TSPAN15: variants seen among roughly 807,000 people sequenced by gnomAD.
TSPAN15 encodes tetraspanin 15, also known as tetraspanin-15.
A neutral mutation model predicts 34.5 loss-of-function variants in TSPAN15; 20 were observed. That is an observed-to-expected ratio of 0.58 (90% CI 0.41 to 0.84). The LOEUF (loss-of-function observed/expected upper bound fraction) is 0.84. TSPAN15 is among the 40% of genes least tolerant of loss of function. The pLI is 0.00. For synonymous variants in TSPAN15, 155 were observed against 153.9 expected (o/e 1.01, Z -0.05); for missense variants, 313 against 386.1 (o/e 0.81, Z 1.59).
At chr10:69,467,673 C>CAA (rs1554831754) in intron 1 of TSPAN15, among the ~76,000 whole-genome samples, 2,304 of 76,370 alleles carry the variant, frequency 0.03, 76 homozygotes, top group African/African-American at 0.049. Context: ...CACACACACA[C>CAA]ACCTCTTCTT....
chr10:69,496,746 G>A (rs1842093809), intron 4 of TSPAN15, among the ~76,000 whole-genome samples: 1 of 152,206 alleles, frequency 6.6e-6, no homozygotes, highest in Non-Finnish European at 1.5e-5. Flanking sequence ...ACTTGCTGTG[G>A]CCGCTCCCTT....
At chr10:69,471,711 C>T (rs1438300280) in intron 1 of TSPAN15, among the ~76,000 whole-genome samples, 3 of 151,924 alleles carry the variant, frequency 2.0e-5, no homozygotes, top group Non-Finnish European at 4.4e-5. Context: ...CCCACCTCAG[C>T]CTCCCAAGTA....
chr10:69,542,725 C>T, the TSPAN15 span, among the ~76,000 whole-genome samples: 9 of 152,202 alleles, frequency 5.9e-5, no homozygotes, highest in South Asian at 2.1e-4. Context: ...CTCACTATCA[C>T]GAGAACAGCA....
Position 69,506,919 on chromosome 10 carries a change from G to T in TSPAN15, c.826G>T (p.Gly276Cys). 1 of 1,609,218 alleles carries T rather than the reference G, an allele frequency of 6.2e-7. No homozygotes were observed. Among genetic ancestry groups the T allele is most frequent in the Non-Finnish European group, 8.5e-7 (1 of 1,178,324 alleles). ...TGTCACTGATGGGCTCCTGGGGCCC[G>T]GTGCCAAGCCCAGCGTGGAGGCGGC... Reference protein sequence around the residue: ...HSVTDGLLGPGAKPSVEAAGT... With the variant: ...HSVTDGLLGPCAKPSVEAAGT... Residue 276 changes from glycine to cysteine, a missense_variant, in exon 8 of 8, where the codon GGT becomes TGT. Gly to Cys is a radical substitution (Grantham distance 159, BLOSUM62 -3). Coordinates refer to ENST00000373290, the MANE Select transcript of TSPAN15 (RefSeq NM_012339.5). This position sits in a 1 kb window ranked among gnomAD's most constrained non-coding sequence, Gnocchi z 4.7.
At chr10:69,471,280 G>A (rs1841499157) in intron 1 of TSPAN15, among the ~76,000 whole-genome samples, 1 of 151,682 alleles carries the variant, frequency 6.6e-6, no homozygotes, top group Admixed American at 6.6e-5. Context: ...CTTGTATCTA[G>A]AACCACTTTC....
downstream of TSPAN15, among the ~76,000 whole-genome samples, chr10:69,509,408 G>T (rs1316886963): frequency 6.7e-6 from 1 of 149,890 alleles, no homozygotes; most frequent in Admixed American, 6.7e-5. Flanking sequence ...CATATCCTTC[G>T]CCCACTTTTT....
chr10:69,533,189 A>G, the TSPAN15 span, among the ~76,000 whole-genome samples: 1 of 152,190 alleles, frequency 6.6e-6, no homozygotes, highest in African/African-American at 2.4e-5. Context: ...AAAAGAAGTC[A>G]TTATATGAAA....
chr10:69,518,108 T>C, the TSPAN15 span, among the ~76,000 whole-genome samples: 2 of 152,204 alleles, frequency 1.3e-5, no homozygotes, highest in Non-Finnish European at 2.9e-5. Context: ...ATACTTCTAT[T>C]AGATAAGGAC....
rs1842317816 is a variant in TSPAN15 at position 69,506,020 on chromosome 10, C to T, written c.619-104C>T. ...GCATATGGGAAACTGAGGATCACAGCGGTTGAGGGACTAGCCTGGACCTTG... is the reference window on the plus strand; with the variant it reads ...GCATATGGGAAACTGAGGATCACAGTGGTTGAGGGACTAGCCTGGACCTTG... On this transcript the variant is annotated intron_variant, in intron 6 of 7. Transcript: ENST00000373290. This position sits in a 1 kb window ranked among gnomAD's most constrained non-coding sequence, Gnocchi z 4.7. The T allele has an allele frequency of 1.4e-5, 12 of 847,200 alleles. No homozygotes were observed. Among genetic ancestry groups the T allele is most frequent in the Middle Eastern group, 2.5e-4 (1 of 3,986 alleles). The allele number at this position is 847,200 out of a possible 1,614,324, so 52.5% of individuals were successfully genotyped here.
downstream of TSPAN15, among the ~76,000 whole-genome samples, chr10:69,508,657 A>G (rs569786375): frequency 6.6e-6 from 1 of 151,584 alleles, no homozygotes; most frequent in East Asian, 1.9e-4. Context: ...CACACCATAG[A>G]GCATACTTTG....
At chr10:69,485,779 G>A (rs115434278) in intron 3 of TSPAN15, among the ~76,000 whole-genome samples, 11,119 of 152,156 alleles carry the variant, frequency 0.073, 1,331 homozygotes, top group African/African-American at 0.25. Flanking sequence ...GAGGCTGTGG[G>A]GGGTCATCCT....
the TSPAN15 span, among the ~76,000 whole-genome samples, chr10:69,520,840 G>A: frequency 2.0e-5 from 3 of 152,208 alleles, no homozygotes; most frequent in Non-Finnish European, 4.4e-5. Context: ...TATACATCTA[G>A]AAGTGGAGTT....
chr10:69,462,163 T>TTTG (rs1486213820), intron 1 of TSPAN15, among the ~76,000 whole-genome samples: 2,871 of 89,930 alleles, frequency 0.032, 180 homozygotes, highest in African/African-American at 0.098. Flanking sequence ...AAGTTTTTTT[T>TTTG]TTTTTTTTTT....
At chr10:69,529,434 C>CAATT in the TSPAN15 span, among the ~76,000 whole-genome samples, 79,628 of 146,162 alleles carry the variant, frequency 0.54, 24,904 homozygotes, top group African/African-American at 0.62. Context: ...AATTATATCT[C>CAATT]AATTAAACTG....
Position 69,455,576 on chromosome 10 carries a change from T to TCTTTCTTTCTTCTCTCTCTC in TSPAN15, c.96+3886_96+3887insCTTTCTTTCTTCTCTCTCTC, listed in dbSNP as rs1329656438. On this transcript the variant is annotated intron_variant, in intron 1 of 7. Coordinates refer to ENST00000373290, the MANE Select transcript of TSPAN15 (RefSeq NM_012339.5). ...CTCTCTCTCTTTCTTTCTTTCTCTT[T>TCTTTCTTTCTTCTCTCTCTC]TCTTTCTTTCTTTCTCTTTCTTTCT... Among the ~76,000 whole-genome samples the TCTTTCTTTCTTCTCTCTCTC allele has an allele frequency of 2.4e-4, 29 of 122,590 alleles. 2 individuals are homozygous for TCTTTCTTTCTTCTCTCTCTC. Among genetic ancestry groups the TCTTTCTTTCTTCTCTCTCTC allele is most frequent in the African/African-American group, 1.0e-3 (29 of 28,876 alleles). The allele number at this position is 122,590 out of a possible 152,430, so 80.4% of individuals were successfully genotyped here.
Position 69,470,066 on chromosome 10 carries a change from T to C in TSPAN15, c.97-13625T>C, listed in dbSNP as rs537156222. ...GGTTTGTACATTACTTCTGGCTCTA[T>C]GTCTCTTTAATCTCCCCCAGGCTAG... On this transcript the variant is annotated intron_variant, in intron 1 of 7. Coordinates refer to ENST00000373290, the MANE Select transcript of TSPAN15 (RefSeq NM_012339.5). 3.3e-5 allele frequency among the ~76,000 whole-genome samples: 5 copies of C among 152,362 alleles called. No individual in the cohort carries two copies. In the East Asian group the frequency reaches 7.7e-4, roughly 24 times the overall value.
the TSPAN15 span, among the ~76,000 whole-genome samples, chr10:69,545,853 G>A: frequency 6.6e-6 from 1 of 152,208 alleles, no homozygotes; most frequent in African/African-American, 2.4e-5. Context: ...CTACTCGGGA[G>A]GCTGAGGCAG....
At chr10:69,459,531 G>A (rs182572036) in intron 1 of TSPAN15, among the ~76,000 whole-genome samples, 74 of 137,356 alleles carry the variant, frequency 5.4e-4, no homozygotes, top group Middle Eastern at 3.7e-3. Context: ...ATAAAGACTT[G>A]TCCAGAGCAT....
the TSPAN15 span, among the ~76,000 whole-genome samples, chr10:69,539,536 A>AAGAAGAAGAAGAAGAAGG: frequency 9.4e-4 from 67 of 71,536 alleles, no homozygotes; most frequent in South Asian, 3.7e-3. Flanking sequence ...GAAGAAGAAG[A>AAGAAGAAGAAGAAGAAGG]AGGAGAAGGA....
Sources: allele counts gnomAD v4.1 joint callset (sites outside exome capture counted in the v4.1 genomes callset), GRCh38; gene constraint gnomAD v4.1.1; non-coding constraint Gnocchi (gnomAD v3.1); transcripts MANE v1.5; gene names NCBI Gene and HGNC (gene_info 2026-07-23, HGNC 2026-07-21).